Variants in STRN3 observed in about 807,000 individuals in gnomAD.
STRN3 encodes the protein striatin 3.
In STRN3, 29 loss-of-function variants were observed where a neutral mutation model predicts 95.6. The ratio of observed to expected loss-of-function variants is 0.30; its 90% CI spans 0.23 to 0.41. The LOEUF is 0.41. STRN3 is among the 10% of genes least tolerant of loss of function. The pLI, the probability that STRN3 is intolerant of heterozygous loss-of-function variation, is 1.00. For synonymous variants in STRN3, 331 were observed against 357.6 expected, an observed-to-expected ratio of 0.93 and a Z score of 0.84; for missense variants, 890 against 972.1, an observed-to-expected ratio of 0.92 and a Z score of 1.12.
rs543702932 is a variant in STRN3, at chr14:30,979,717, A to G, written c.283-23475T>C. 2.3e-4 allele frequency among the ~76,000 whole-genome samples: 35 copies of G among 152,128 alleles called. 1 individual carries two copies. In the South Asian group the frequency reaches 7.1e-3, roughly 31 times the overall value. ...TGGGTTCAAGCAATTCTCCTGCCTC[A>G]GCCTCCTGAGTAGCTGGGACTACAG... On this transcript the variant is annotated intron_variant, in intron 1 of 17. Transcript: ENST00000357479.
At chr14:30,966,291 G>T (rs562119631) in intron 1 of STRN3, among the ~76,000 whole-genome samples, 3 of 152,204 alleles carry the variant, frequency 2.0e-5, no homozygotes, top group Non-Finnish European at 2.9e-5. Context: ...ATCTGTAAGG[G>T]TGCACCCTTC....
At chr14:30,971,080 A>T (rs940064804) in intron 1 of STRN3, among the ~76,000 whole-genome samples, 1 of 152,206 alleles carries the variant, frequency 6.6e-6, no homozygotes. Flanking sequence ...CTCTCACAAC[A>T]TGGAGGAAAC....
intron 16 of STRN3, among the ~76,000 whole-genome samples, chr14:30,898,337 A>G (rs1896213050): frequency 6.6e-6 from 1 of 152,140 alleles, no homozygotes; most frequent in South Asian, 2.1e-4. Flanking sequence ...ATGATCCTCT[A>G]TCTCCTAAGT....
At chr14:31,012,335 C>T (rs1883007039) in intron 1 of STRN3, among the ~76,000 whole-genome samples, 1 of 152,132 alleles carries the variant, frequency 6.6e-6, no homozygotes, top group African/African-American at 2.4e-5. Context: ...GCAAAAACAT[C>T]CTAAGTTCAG....
chr14:30,982,115 A>AAAAAAAG (rs1264161009), intron 1 of STRN3, among the ~76,000 whole-genome samples: 1 of 151,374 alleles, frequency 6.6e-6, no homozygotes. Context: ...AAAAAAAAAA[A>AAAAAAAG]AAAGAATTCC....
At chr14:31,013,469 A>G (rs923294578) in intron 1 of STRN3, among the ~76,000 whole-genome samples, 1 of 152,184 alleles carries the variant, frequency 6.6e-6, no homozygotes, top group Non-Finnish European at 1.5e-5. Context: ...ATCTACCTAC[A>G]TAAAAAACAC....
At chr14:30,923,974 C>T (rs1896946546) in intron 8 of STRN3, among the ~76,000 whole-genome samples, 1 of 151,790 alleles carries the variant, frequency 6.6e-6, no homozygotes, top group African/African-American at 2.4e-5. Context: ...TAGAAAAATG[C>T]TACCAGCCCA....
chr14:31,025,615 A>C, intron 1 of STRN3: 8 of 478,358 alleles, frequency 1.7e-5, no homozygotes, highest in East Asian at 8.5e-5. Context: ...AGGCCCGGGA[A>C]GGCCGCCTCC....
At position 30,895,245 on chromosome 14, in the gene STRN3, A is replaced by T; in HGVS notation, c.*166T>A. The T allele has an allele frequency of 1.4e-6, 1 of 701,810 alleles. No individual in the cohort carries two copies. The highest frequency in any genetic ancestry group is 2.3e-6 in the Non-Finnish European group (1 of 441,538). The allele number at this position is 701,810 out of a possible 1,614,324, so 43.5% of individuals were successfully genotyped here. A position where few individuals can be genotyped will look rare whatever the true frequency, so the allele number is the denominator to read the frequency against. ...AAAATACAGTAATTACAGTTAACTT[A>T]ATGAGCTTGACATTAAGATGTGATT... On this transcript the variant is annotated 3_prime_UTR_variant, in exon 18 of 18. Coordinates refer to ENST00000357479, the MANE Select transcript of STRN3 (RefSeq NM_001083893.2).
At position 30,894,333 on chromosome 14, in the gene STRN3, A is replaced by C. The variant is rs1279007197; in HGVS notation, c.*1078T>G. 1 of 152,600 alleles carries C rather than the reference A, an allele frequency of 6.6e-6. No homozygotes were observed. The highest frequency in any genetic ancestry group is 1.5e-5 in the Non-Finnish European group (1 of 68,036). The allele number at this position is 152,600 out of a possible 1,614,324, so 9.5% of individuals were successfully genotyped here. On this transcript the variant is annotated 3_prime_UTR_variant, in exon 18 of 18. Coordinates refer to ENST00000357479, the MANE Select transcript of STRN3 (RefSeq NM_001083893.2). ...CCTTGGTTTGTAATTTAAACTATAA[A>C]ATACTCCATTTTTAGTCTATTTTAG...
intron 10 of STRN3, among the ~76,000 whole-genome samples, chr14:30,913,030 A>G (rs753180768): frequency 5.9e-5 from 9 of 151,938 alleles, no homozygotes; most frequent in Non-Finnish European, 7.4e-5. Context: ...TGGACTCCCC[A>G]CTCCCCAACC....
chr14:30,946,687 G>A (rs1022887773), intron 5 of STRN3, among the ~76,000 whole-genome samples: 1 of 151,944 alleles, frequency 6.6e-6, no homozygotes, highest in African/African-American at 2.4e-5. Flanking sequence ...TTTAAAAATT[G>A]TTAATAGCAG....
rs751299154 is a variant in STRN3, at chr14:31,004,672, C to T, written c.282+21232G>A. On this transcript the variant is annotated intron_variant, in intron 1 of 17. Coordinates refer to ENST00000357479, the MANE Select transcript of STRN3 (RefSeq NM_001083893.2). ...CCTGTAATCCCAGCTACTTGGGAGG[C>T]TGAGGCAGGAGAATTGTTTGAACCC... 2.0e-5 allele frequency among the ~76,000 whole-genome samples: 3 copies of T among 151,958 alleles called. 1 individual carries two copies. Among genetic ancestry groups the T allele is most frequent in the African/African-American group, 4.8e-5 (2 of 41,366 alleles).
chr14:30,916,477 G>A (rs1030694597), intron 9 of STRN3, among the ~76,000 whole-genome samples: 8 of 151,914 alleles, frequency 5.3e-5, no homozygotes, highest in Non-Finnish European at 8.8e-5. Flanking sequence ...GGGTTTCACC[G>A]TGTTAGCCAG....
At chr14:30,986,461 A>G (rs1416630779) in intron 1 of STRN3, among the ~76,000 whole-genome samples, 1 of 152,248 alleles carries the variant, frequency 6.6e-6, no homozygotes, top group Non-Finnish European at 1.5e-5. Flanking sequence ...TAGTAGCTAG[A>G]TAGTAGCCAG....
intron 13 of STRN3, among the ~76,000 whole-genome samples, chr14:30,909,612 G>C (rs1208256330): frequency 6.6e-6 from 1 of 152,040 alleles, no homozygotes; most frequent in Non-Finnish European, 1.5e-5. Flanking sequence ...CGAGTGTCTG[G>C]GACTATAGGC....
At chr14:30,953,716 A>C (rs1162663303) in intron 3 of STRN3, among the ~76,000 whole-genome samples, 2 of 151,974 alleles carry the variant, frequency 1.3e-5, no homozygotes, top group Non-Finnish European at 2.9e-5. Context: ...TGTAGCCTTG[A>C]CCTCCCGGGC....
chr14:30,929,373 G>T, intron 7 of STRN3, 62 bp from the exon 8 acceptor site: 1 of 1,257,436 alleles, frequency 8.0e-7, no homozygotes, highest in Non-Finnish European at 1.2e-6. Flanking sequence ...GCTGTTGGCA[G>T]TAAACTGTTA....
Position 30,913,663 on chromosome 14 carries a change from A to G in STRN3, c.1241-6T>C. The G allele has an allele frequency of 1.2e-6, 2 of 1,613,150 alleles. No homozygotes were observed. Among genetic ancestry groups the G allele is most frequent in the Non-Finnish European group, 1.7e-6 (2 of 1,179,736 alleles). On this transcript the variant is annotated splice_region_variant and splice_polypyrimidine_tract_variant and intron_variant, in intron 9 of 17. Coordinates refer to ENST00000357479, the MANE Select transcript of STRN3 (RefSeq NM_001083893.2). ...TGGAAACGTTATTGGTTCAGCTATA[A>G]AGAACAAAACCGCTTCTTAAATGCT...
Sources: gnomAD v4.1 joint callset for allele counts (sites outside exome capture counted in the v4.1 genomes callset) on GRCh38, gnomAD v4.1.1 for gene constraint, MANE v1.5 for transcripts, NCBI Gene and HGNC (gene_info 2026-07-23, HGNC 2026-07-21) for gene names.